Variants in TLE6 observed in about 807,000 individuals in gnomAD.
The protein encoded by TLE6 is TLE family member 6, subcortical maternal complex member, also known as transducin-like enhancer protein 6.
In TLE6, 72 loss-of-function variants were observed where a neutral mutation model predicts 77.1. The observed-to-expected ratio is 0.93, with a 90% CI of 0.77 to 1.14. The LOEUF (loss-of-function observed/expected upper bound fraction) is 1.14. Ranked by LOEUF, TLE6 falls within the 50% of genes most tolerant of loss-of-function variation. TLE6 has a pLI of 0.00. For missense variants in TLE6, 843 were observed against 747.6 expected (o/e 1.13, Z -1.49); for synonymous variants, 366 against 287.3 (o/e 1.27, Z -2.77).
intron 5 of TLE6, among the ~76,000 whole-genome samples, chr19:2,983,255 A>C (rs1056787918): frequency 1.3e-5 from 2 of 152,162 alleles, no homozygotes; most frequent in East Asian, 3.9e-4. Flanking sequence ...CTGTTGTAGA[A>C]GCCAGGAAAA....
chr19:2,993,716 G>A, intron 15 of TLE6, 134 bp downstream of exon 15: 1 of 1,171,714 alleles, frequency 8.5e-7, no homozygotes, highest in Non-Finnish European at 1.2e-6. Flanking sequence ...CAATTTTGGG[G>A]ATGCTCTTAT....
intron 5 of TLE6, among the ~76,000 whole-genome samples, chr19:2,982,407 G>A (rs1202067384): frequency 3.3e-5 from 5 of 151,532 alleles, no homozygotes; most frequent in African/African-American, 1.2e-4. Flanking sequence ...GCGTGGTGGC[G>A]GGCGCCTGTA....
chr19:2,988,912 ACATTGAGGGGAG>A (rs1005777082), intron 11 of TLE6, 137 bp from the exon 12 acceptor site: 8 of 1,044,492 alleles, frequency 7.7e-6, no homozygotes, highest in Non-Finnish European at 1.1e-5. Context: ...TATGAGCAGG[ACATTGAGGGGAG>A]TCTAGAGGGT....
At position 2,989,318 on chromosome 19, in the gene TLE6, G is replaced by GGA; in HGVS notation, c.993+6_993+7dup. ...GAGAGCCACCTGCCTATACAGGTGAGGACGGCCTTGGTTTCCAGGGATGCA... is the reference window on the plus strand; with the variant it reads ...GAGAGCCACCTGCCTATACAGGTGAGGAGACGGCCTTGGTTTCCAGGGATGCA... On this transcript the variant is annotated splice_donor_region_variant and intron_variant, in intron 12 of 16. Coordinates refer to ENST00000246112, the MANE Select transcript of TLE6 (RefSeq NM_001143986.2). The GGA allele has an allele frequency of 6.2e-7, 1 of 1,611,580 alleles. No homozygotes were observed.
In TLE6 at chr19:2,987,364, C is replaced by G; in HGVS notation, c.550C>G (p.Pro184Ala). The G allele has an allele frequency of 6.2e-7, 1 of 1,614,014 alleles. No individual in the cohort carries two copies. The highest frequency in any genetic ancestry group is 8.5e-7 in the Non-Finnish European group (1 of 1,180,022). Residue 184 changes from proline to alanine, a missense_variant, in exon 8 of 17, where the codon CCA (proline) becomes GCA (alanine). Transcript: ENST00000246112. ...CGTTGTCATGGTGACAGAGCAGGCA[C>G]CAGGCCTGGTGAGTAAACAACCTCA... Reference protein sequence around the residue: ...KAKPRDRQQAPGLGQESKAPG... With the variant: ...KAKPRDRQQAAGLGQESKAPG...
At chr19:2,994,224 C>A (rs2089156589) in intron 16 of TLE6, 129 bp downstream of exon 16, 4 of 737,572 alleles carry the variant, frequency 5.4e-6, no homozygotes, top group Non-Finnish European at 8.7e-6. Flanking sequence ...GGCTTTAATC[C>A]CAGCATTTTG....
In TLE6 at chr19:2,993,903, A is replaced by G. The variant is rs530718565; in HGVS notation, c.1538-116A>G. On this transcript the variant is annotated intron_variant, in intron 15 of 16. Coordinates refer to ENST00000246112, the MANE Select transcript of TLE6 (RefSeq NM_001143986.2). ...CTGACTGTAGTCCAGCCTGGGTGAC[A>G]GAGTGAGACCCTGTCTCAAAAAAAA... The G allele has an allele frequency of 1.3e-4, 119 of 901,340 alleles. No homozygotes were observed. The African/African-American group carries it at 2.0e-3, about 15-fold the overall frequency. 55.8% of individuals were successfully genotyped at this position (901,340 alleles called of 1,614,324 possible).
At chr19:2,980,330 G>T in intron 3 of TLE6, 148 bp downstream of exon 3, 1 of 551,556 alleles carries the variant, frequency 1.8e-6, no homozygotes, top group Non-Finnish European at 3.2e-6. Flanking sequence ...CCAGCATGGA[G>T]AACCCGGCAA....
chr19:2,988,305 T>C (rs923095679), intron 11 of TLE6, among the ~76,000 whole-genome samples, 177 bp downstream of exon 11: 2 of 152,104 alleles, frequency 1.3e-5, no homozygotes, highest in African/African-American at 4.8e-5. Flanking sequence ...GGTAGAAAAG[T>C]GCAGTGTTAG....
intron 14 of TLE6, 49 bp downstream of exon 14, chr19:2,992,033 C>A: frequency 6.3e-7 from 1 of 1,599,492 alleles, no homozygotes; most frequent in Non-Finnish European, 8.5e-7. Context: ...CTCTGGTCCT[C>A]AGATTAAAAA....
Position 2,994,001 on chromosome 19 carries a change from A to G in TLE6, c.1538-18A>G. On this transcript the variant is annotated intron_variant, in intron 15 of 16. Transcript: ENST00000246112. ...AAGGTAGTGGTTCTAAGTCTCGCTG[A>G]TGCTCCATTTCTCCCAGGCCAGTGG... The G allele has an allele frequency of 6.3e-7, 1 of 1,593,290 alleles. No individual in the cohort carries two copies. The highest frequency in any genetic ancestry group is 8.5e-7 in the Non-Finnish European group (1 of 1,170,616).
At chr19:2,978,993 C>T (rs1304708802) in intron 2 of TLE6, among the ~76,000 whole-genome samples, 1 of 152,124 alleles carries the variant, frequency 6.6e-6, no homozygotes, top group East Asian at 1.9e-4. Flanking sequence ...TCACACTCAC[C>T]TCGGCTGGAA....
chr19:2,991,989 G>A lies in TLE6; in HGVS notation c.1386+5G>A, dbSNP rs566907979. On this transcript the variant is annotated splice_donor_5th_base_variant and intron_variant, in intron 14 of 16. Coordinates refer to ENST00000246112, the MANE Select transcript of TLE6 (RefSeq NM_001143986.2). ...GAGTACCAATTCAAGTCTCAGGTGC[G>A]GAGGCCGGGATGGGGTCTGCTTGGC... 8.7e-6 allele frequency: 14 copies of A among 1,612,974 alleles called. No homozygotes were observed. The Admixed American group carries it at 1.0e-4, about 12-fold the overall frequency.
At position 2,989,110 on chromosome 19, in the gene TLE6, T is replaced by C; in HGVS notation, c.790T>C (p.Leu264=). Residue 264 remains leucine, a synonymous_variant, in exon 12 of 17, where the codon TTG becomes CTG. Coordinates refer to ENST00000246112, the MANE Select transcript of TLE6 (RefSeq NM_001143986.2). ...AGATGCATGGAAGAGGCCAGATGCC[T>C]TGCCCGGGCAGTCAAAGAGACTCGC... The part of the protein sequence containing the change: ...FEDAWKRPDA[L]PGQSKRLAVP... 1 of 1,614,138 alleles carries C rather than the reference T, an allele frequency of 6.2e-7. No homozygotes were observed. The highest frequency in any genetic ancestry group is 8.5e-7 in the Non-Finnish European group (1 of 1,180,042).
At chr19:2,980,263 G>A in intron 3 of TLE6, 81 bp downstream of exon 3, 1 of 1,229,828 alleles carries the variant, frequency 8.1e-7, no homozygotes, top group Non-Finnish European at 1.1e-6. Flanking sequence ...CCTAGTGAGT[G>A]GTCTAGAGGC....
rs140669738 is a variant in TLE6, at chr19:2,989,641, C to T, written c.1100C>T (p.Pro367Leu). Reference protein sequence around the residue: ...ASVSVWDLAAPSLHVKEQLPC... With the variant: ...ASVSVWDLAALSLHVKEQLPC... The stretch of plus-strand genomic sequence containing the variant: ...GTGAGCGTGTGGGACCTGGCGGCGC[C>T]CTCCCTGCATGTGAAGGAGCAGTTG... Residue 367 changes from proline (P) to leucine (L), a missense_variant, in exon 13 of 17, where the codon CCC becomes CTC. Transcript: ENST00000246112. The T allele has an allele frequency of 1.4e-4, 220 of 1,614,086 alleles. 1 individual carries two copies. The Middle Eastern group carries it at 2.8e-3, about 21-fold the overall frequency.
Position 2,995,082 on chromosome 19 carries a change from G to A in TLE6, c.*78G>A. 2.1e-6 allele frequency: 2 copies of A among 932,754 alleles called. No homozygotes were observed. The highest frequency in any genetic ancestry group is 3.3e-6 in the Non-Finnish European group (2 of 605,612). The allele number at this position is 932,754 out of a possible 1,614,324, so 57.8% of individuals were successfully genotyped here. ...CCCCCCCCCCAACAAGGGGGACATGGTGGAGGGAAGCGGGAAGGCTCTTCT... is the reference window on the plus strand; with the variant it reads ...CCCCCCCCCCAACAAGGGGGACATGATGGAGGGAAGCGGGAAGGCTCTTCT... On this transcript the variant is annotated 3_prime_UTR_variant, in exon 17 of 17. Coordinates refer to ENST00000246112, the MANE Select transcript of TLE6 (RefSeq NM_001143986.2).
At chr19:2,981,516 G>A (rs920253348) in intron 3 of TLE6, 22 bp from the exon 4 acceptor site, 2 of 1,551,394 alleles carry the variant, frequency 1.3e-6, no homozygotes, top group East Asian at 2.4e-5. Context: ...AGGTCTTCCA[G>A]CCTGTCCTCC....
chr19:2,986,071 C>CAAAAAAAAAA (rs547031586), intron 5 of TLE6, among the ~76,000 whole-genome samples: 4 of 41,274 alleles, frequency 9.7e-5, no homozygotes, highest in Non-Finnish European at 2.0e-4. Context: ...GAGACTGTCT[C>CAAAAAAAAAA]AAAAAAAAAA....
Sources: gnomAD v4.1 joint callset for allele counts (sites outside exome capture counted in the v4.1 genomes callset) on GRCh38, gnomAD v4.1.1 for gene constraint, MANE v1.5 for transcripts, NCBI Gene and HGNC (gene_info 2026-07-23, HGNC 2026-07-21) for gene names.